COL11A1: variants seen among roughly 807,000 people sequenced by gnomAD.
The protein encoded by COL11A1 is collagen type XI alpha 1 chain, also known as collagen alpha-1(XI) chain.
In COL11A1, 74 loss-of-function variants were observed where a neutral mutation model predicts 265.2. The observed-to-expected ratio is 0.28, with a 90% CI of 0.23 to 0.34. The LOEUF is 0.34. Ranked by LOEUF, COL11A1 falls within the 10% of genes least tolerant of loss-of-function variation. The pLI is 1.00. For synonymous variants in COL11A1, 816 were observed against 727.6 expected, an observed-to-expected ratio of 1.12 and a Z score of -1.96; for missense variants, 2,165 against 2,263.6, an observed-to-expected ratio of 0.96 and a Z score of 0.88.
chr1:103,078,417 GCT>G (rs1219452578), intron 3 of COL11A1, among the ~76,000 whole-genome samples: 4 of 151,790 alleles, frequency 2.6e-5, no homozygotes, highest in Admixed American at 6.6e-5. Context: ...CCTCTTTACT[GCT>G]CTCTTTTTCT....
intron 26 of COL11A1, among the ~76,000 whole-genome samples, chr1:102,996,461 C>A (rs1211475811): frequency 6.6e-6 from 1 of 151,662 alleles, no homozygotes; most frequent in Non-Finnish European, 1.5e-5. Flanking sequence ...GCATTCACTT[C>A]ATCAAGAATA....
intron 1 of COL11A1, among the ~76,000 whole-genome samples, chr1:103,086,820 T>C (rs75206730): frequency 1.6e-4 from 23 of 147,114 alleles, no homozygotes; most frequent in Admixed American, 3.4e-4. Flanking sequence ...TTTTTTTTTT[T>C]CCCAAAAAGG....
At chr1:103,091,146 A>G (rs1673285696) in intron 1 of COL11A1, among the ~76,000 whole-genome samples, 1 of 152,146 alleles carries the variant, frequency 6.6e-6, no homozygotes, top group Non-Finnish European at 1.5e-5. Flanking sequence ...AGAAATTGAT[A>G]TAACTATAGC....
chr1:103,064,700 G>GAAAAAAAAAAAAAA (rs59331849), intron 4 of COL11A1, among the ~76,000 whole-genome samples: 1 of 123,368 alleles, frequency 8.1e-6, no homozygotes. Flanking sequence ...AAAAAAAAAA[G>GAAAAAAAAAAAAAA]AAAAAAAAAA....
intron 36 of COL11A1, among the ~76,000 whole-genome samples, chr1:102,970,904 C>T (rs941460638): frequency 6.6e-6 from 1 of 152,064 alleles, no homozygotes; most frequent in Non-Finnish European, 1.5e-5. Flanking sequence ...GTCGCAGCTA[C>T]TCGGGAGGCT....
intron 5 of COL11A1, among the ~76,000 whole-genome samples, chr1:103,027,342 TAC>T (rs1667600022): frequency 4.2e-5 from 6 of 144,158 alleles, no homozygotes; most frequent in Non-Finnish European, 9.0e-5. Flanking sequence ...AATAACTAAA[TAC>T]ACTAAGTCAT....
intron 54 of COL11A1, among the ~76,000 whole-genome samples, chr1:102,901,318 C>T (rs949880346): frequency 1.7e-5 from 2 of 118,494 alleles, no homozygotes; most frequent in African/African-American, 7.9e-5. Context: ...AAAACTCTGT[C>T]TAAAAAAAAA....
chr1:102,927,908 C>G (rs1557831589), intron 46 of COL11A1, among the ~76,000 whole-genome samples: 1 of 152,058 alleles, frequency 6.6e-6, no homozygotes, highest in Non-Finnish European at 1.5e-5. Flanking sequence ...TCCCATTTCT[C>G]AAAATGCTTT....
At chr1:102,922,039 A>G (rs774440523) in intron 47 of COL11A1, among the ~76,000 whole-genome samples, 1 of 152,202 alleles carries the variant, frequency 6.6e-6, no homozygotes, top group Non-Finnish European at 1.5e-5. Flanking sequence ...AAATAAGAAT[A>G]ATTATTTAAT....
intron 49 of COL11A1, among the ~76,000 whole-genome samples, chr1:102,918,426 A>G (rs1228765902): frequency 4.6e-5 from 7 of 151,970 alleles, no homozygotes; most frequent in Non-Finnish European, 7.4e-5. Flanking sequence ...ATGCAATGTG[A>G]CTAAAAGATA....
chr1:103,026,227 C>T lies in COL11A1; in HGVS notation c.886G>A (p.Ala296Thr). 3.1e-6 allele frequency: 5 copies of T among 1,610,638 alleles called. No individual in the cohort carries two copies. Among genetic ancestry groups the T allele is most frequent in the Non-Finnish European group, 4.2e-6 (5 of 1,176,878 alleles). ...TGCTTTGTTTTTACCTCCGTCTGTG[C>T]TATTGTCTCCTCAGTTACAGTGGGT... ...EGPTVTEETI[A>T]QTEANIVDDF... The change falls in exon 6 of 67, where the codon GCA (alanine) becomes ACA (threonine). Residue 296 changes from alanine to threonine, a missense_variant. Physicochemically the swap from Ala to Thr is moderately conservative, Grantham distance 58 (BLOSUM62 0). Coordinates refer to ENST00000370096, the MANE Select transcript of COL11A1 (RefSeq NM_001854.4).
In COL11A1 at chr1:103,018,879, C is replaced by T; in HGVS notation, c.1309-20G>A. On this transcript the variant is annotated intron_variant, in intron 9 of 66. Transcript: ENST00000370096. ...CATACCCTATAACAGGAAAAGAGAA[C>T]ATCTCTACCAGGGAAATATAACCCC... 1 of 1,607,460 alleles carries T rather than the reference C, an allele frequency of 6.2e-7. No individual in the cohort carries two copies. The highest frequency in any genetic ancestry group is 8.5e-7 in the Non-Finnish European group (1 of 1,174,474).
intron 2 of COL11A1, among the ~76,000 whole-genome samples, chr1:103,081,103 C>G (rs1672378357): frequency 6.6e-6 from 1 of 151,770 alleles, no homozygotes; most frequent in South Asian, 2.1e-4. Context: ...TTATATGAGA[C>G]TGTATCATAA....
At chr1:103,008,846 C>G (rs1020791676) in intron 14 of COL11A1, among the ~76,000 whole-genome samples, 1 of 152,144 alleles carries the variant, frequency 6.6e-6, no homozygotes, top group Admixed American at 6.5e-5. Context: ...TTATTTATGA[C>G]TACACTGTGA....
intron 57 of COL11A1, among the ~76,000 whole-genome samples, chr1:102,894,730 AG>A (rs1652201081): frequency 6.6e-6 from 1 of 152,172 alleles, no homozygotes; most frequent in South Asian, 2.1e-4. Context: ...TTATTTATAT[AG>A]GCTGATCATC....
chr1:103,056,196 A>G (rs1670234166), intron 4 of COL11A1, among the ~76,000 whole-genome samples: 1 of 152,170 alleles, frequency 6.6e-6, no homozygotes, highest in Admixed American at 6.6e-5. Flanking sequence ...ACTAGGGGAA[A>G]AATGCAGGTT....
intron 41 of COL11A1, among the ~76,000 whole-genome samples, chr1:102,948,437 G>A (rs1383568806): frequency 6.6e-6 from 1 of 151,996 alleles, no homozygotes. Context: ...GGACATCAAT[G>A]TTTGTAATTA....
intron 52 of COL11A1, 39 bp from the exon 53 acceptor site, chr1:102,913,729 A>C (rs781369418): frequency 1.3e-6 from 2 of 1,570,440 alleles, no homozygotes; most frequent in African/African-American, 1.4e-5. Flanking sequence ...GATATATCTC[A>C]GTATCAATAA....
rs775945644 is a variant in COL11A1, at chr1:102,888,747, G to T, written c.4530C>A (p.Gly1510=). 1 of 1,613,812 alleles carries T rather than the reference G, an allele frequency of 6.2e-7. No individual in the cohort carries two copies. The highest frequency in any genetic ancestry group is 8.5e-7 in the Non-Finnish European group (1 of 1,179,904). ...PGPPGLPGPQ[G]PKGNKGSTGP... ...CAGTAGAGCCTTTGTTACCCTTTGG[G>T]CCTTGAGGACCCTACAAAATGCAAA... The change falls in exon 61 of 67, where the codon GGC becomes GGA. Residue 1510 remains glycine (G), a synonymous_variant. Transcript: ENST00000370096.
Sources: allele counts gnomAD v4.1 joint callset (sites outside exome capture counted in the v4.1 genomes callset), GRCh38; gene constraint gnomAD v4.1.1; transcripts MANE v1.5; gene names NCBI Gene and HGNC (gene_info 2026-07-23, HGNC 2026-07-21).